RBFOX1: variants seen among roughly 807,000 people sequenced by gnomAD.
RBFOX1 encodes the protein RNA binding protein fox-1 homolog 1.
A neutral mutation model predicts 57.7 loss-of-function variants in RBFOX1; 8 were observed. That is an observed-to-expected ratio of 0.14 (90% CI 0.08 to 0.25). RBFOX1 has a LOEUF of 0.25. RBFOX1 is among the 10% of genes least tolerant of loss of function. RBFOX1 has a pLI of 1.00. For synonymous variants in RBFOX1, 326 were observed against 222.4 expected, an observed-to-expected ratio of 1.47 and a Z score of -4.15; for missense variants, 611 against 548.5, an observed-to-expected ratio of 1.11 and a Z score of -1.14.
intron 4 of RBFOX1, among the ~76,000 whole-genome samples, chr16:5,988,792 T>TA (rs397951130): frequency 6.6e-6 from 1 of 152,112 alleles, no homozygotes; most frequent in Non-Finnish European, 1.5e-5. Context: ...AATTTTTTTT[T>TA]AAATATAAAA....
intron 3 of RBFOX1, among the ~76,000 whole-genome samples, chr16:6,976,740 A>G (rs1242378500): frequency 1.4e-5 from 2 of 145,540 alleles, no homozygotes; most frequent in Non-Finnish European, 3.0e-5. Context: ...TGTATCATAC[A>G]TATATATCAT....
chr16:6,336,974 A>G (rs1340961763), intron 2 of RBFOX1, among the ~76,000 whole-genome samples: 1 of 152,228 alleles, frequency 6.6e-6, no homozygotes, highest in Non-Finnish European at 1.5e-5. Context: ...TTTGTGATCC[A>G]GAGCAGTTTA....
At chr16:7,351,321 C>T (rs1353427046) in intron 4 of RBFOX1, among the ~76,000 whole-genome samples, 1 of 152,238 alleles carries the variant, frequency 6.6e-6, no homozygotes, top group Non-Finnish European at 1.5e-5. Flanking sequence ...GGTTATTACG[C>T]ATTGACTGGT....
Position 7,315,435 on chromosome 16 carries a change from A to T in RBFOX1, c.28-202712A>T, listed in dbSNP as rs188120475. On this transcript the variant is annotated intron_variant, in intron 4 of 15. Coordinates refer to ENST00000550418, the MANE Select transcript of RBFOX1 (RefSeq NM_018723.4). ...GAAGGAATAAATGCAAAGACAAATG[A>T]TTAAAGCCCTACTCTACCCTACCCC... Among the ~76,000 whole-genome samples, 685 of 147,540 alleles carry T rather than the reference A, an allele frequency of 4.6e-3. 2 individuals are homozygous for T. Among genetic ancestry groups the T allele is most frequent in the African/African-American group, 0.017 (641 of 38,550 alleles).
At chr16:5,371,432 C>T (rs1327265635) in intron 1 of RBFOX1, among the ~76,000 whole-genome samples, 1 of 152,176 alleles carries the variant, frequency 6.6e-6, no homozygotes, top group Non-Finnish European at 1.5e-5. Context: ...GGAGAGGCCT[C>T]AAGAGAAACC....
chr16:7,315,483 A>G (rs2096417093), intron 4 of RBFOX1, among the ~76,000 whole-genome samples: 1 of 148,844 alleles, frequency 6.7e-6, no homozygotes, highest in South Asian at 2.2e-4. Flanking sequence ...GGGGGCTTGA[A>G]TTTCTTTTAC....
rs188203766 is a variant in RBFOX1 at position 7,088,453 on chromosome 16, G to T, written c.27+36355G>T. 2.2e-3 allele frequency among the ~76,000 whole-genome samples: 338 copies of T among 152,222 alleles called. 2 individuals carry two copies. Among genetic ancestry groups the T allele is most frequent in the African/African-American group, 7.9e-3 (330 of 41,546 alleles). On this transcript the variant is annotated intron_variant, in intron 4 of 15. Transcript: ENST00000550418. ...TGTGTGTCCGTATGTGTGTATGTGA[G>T]AGTATATTTTACAAGATTGGTCTTG...
intron 2 of RBFOX1, among the ~76,000 whole-genome samples, chr16:6,553,049 G>C (rs1300794994): frequency 6.6e-6 from 1 of 152,160 alleles, no homozygotes; most frequent in East Asian, 1.9e-4. Flanking sequence ...TGACACTTCA[G>C]TGGCAGCAAC....
intron 2 of RBFOX1, among the ~76,000 whole-genome samples, chr16:6,599,564 C>A (rs888761101): frequency 6.6e-5 from 10 of 152,124 alleles, no homozygotes; most frequent in Non-Finnish European, 1.2e-4. Context: ...AACAAAACTC[C>A]TACCATTTCT....
chr16:5,426,835 C>G lies in RBFOX1; in HGVS notation c.220-40381C>G, dbSNP rs188969635. On this transcript the variant is annotated intron_variant, in intron 1 of 2. Transcript: ENST00000585867. ...ACAGTAAAAACAGACATCTGGAGAT[C>G]AGACCAGGTGGTTAAACAACGCAGT... Among the ~76,000 whole-genome samples, 110 of 152,300 alleles carry G rather than the reference C, an allele frequency of 7.2e-4. 2 individuals carry two copies. Among genetic ancestry groups the G allele is most frequent in the Admixed American group, 8.5e-4 (13 of 15,296 alleles).
At chr16:7,690,241 A>G (rs886747511) in intron 14 of RBFOX1, among the ~76,000 whole-genome samples, 4 of 152,124 alleles carry the variant, frequency 2.6e-5, no homozygotes, top group Non-Finnish European at 5.9e-5. Flanking sequence ...CTTAACCTCT[A>G]TGAATCTAAG....
At chr16:6,346,259 A>G (rs2085348615) in intron 2 of RBFOX1, among the ~76,000 whole-genome samples, 4 of 152,244 alleles carry the variant, frequency 2.6e-5, no homozygotes, top group African/African-American at 9.6e-5. Flanking sequence ...CTGAGAGAAT[A>G]GAAGCGGCCA....
chr16:5,690,180 G>T (rs151134235), intron 3 of RBFOX1, among the ~76,000 whole-genome samples: 1 of 152,146 alleles, frequency 6.6e-6, no homozygotes, highest in Non-Finnish European at 1.5e-5. Context: ...TAATGGTATC[G>T]CATACTTATC....
intron 5 of RBFOX1, among the ~76,000 whole-genome samples, chr16:7,529,384 C>T (rs1453522410): frequency 6.6e-6 from 1 of 152,208 alleles, no homozygotes; most frequent in African/African-American, 2.4e-5. Flanking sequence ...TTAGTTTTCT[C>T]CATTAAGGTA....
rs573446335 is a variant in RBFOX1 at position 7,712,166 on chromosome 16, T to C, written c.*1421T>C. The C allele has an allele frequency of 2.6e-5, 4 of 152,664 alleles. No individual in the cohort carries two copies. Among genetic ancestry groups the C allele is most frequent in the Non-Finnish European group, 5.9e-5 (4 of 68,044 alleles). The allele number at this position is 152,664 out of a possible 1,614,324, so 9.5% of individuals were successfully genotyped here. On this transcript the variant is annotated 3_prime_UTR_variant, in exon 16 of 16. Transcript: ENST00000550418. Reference sequence around the variant, plus strand: ...TCTGTTTGAACTTTCCACGTTGTCCTGTTTACAAGTTAACTTAAGTTGGGG... The same window carrying C: ...TCTGTTTGAACTTTCCACGTTGTCCCGTTTACAAGTTAACTTAAGTTGGGG...
intron 10 of RBFOX1, among the ~76,000 whole-genome samples, chr16:7,613,306 G>A (rs2057878549): frequency 1.3e-5 from 2 of 152,198 alleles, no homozygotes; most frequent in South Asian, 4.1e-4. Flanking sequence ...TGACTGCAAA[G>A]TCACATTTGA....
At chr16:5,972,785 G>C (rs969196667) in intron 4 of RBFOX1, among the ~76,000 whole-genome samples, 2 of 152,186 alleles carry the variant, frequency 1.3e-5, no homozygotes, top group African/African-American at 4.8e-5. Flanking sequence ...TCTCCTATCT[G>C]TTTGCCACCT....
At chr16:6,964,745 A>G (rs761747290) in intron 3 of RBFOX1, among the ~76,000 whole-genome samples, 1 of 152,186 alleles carries the variant, frequency 6.6e-6, no homozygotes, top group Non-Finnish European at 1.5e-5. Context: ...TGTCCCTGCA[A>G]TTCCTGTTGG....
chr16:5,451,833 C>G (rs2068433707), intron 1 of RBFOX1, among the ~76,000 whole-genome samples: 1 of 152,172 alleles, frequency 6.6e-6, no homozygotes, highest in African/African-American at 2.4e-5. Context: ...ACTTTGCATA[C>G]TCTCTGGGTG....
Sources: gnomAD v4.1 joint callset for allele counts (sites outside exome capture counted in the v4.1 genomes callset) on GRCh38, gnomAD v4.1.1 for gene constraint, MANE v1.5 for transcripts, NCBI Gene and HGNC (gene_info 2026-07-23, HGNC 2026-07-21) for gene names.